The following NRXN1 variants were observed in gnomAD, a reference collection of about 807,000 sequenced individuals.
NRXN1 encodes neurexin-1.
A neutral mutation model predicts 150.9 loss-of-function variants in NRXN1; 39 were observed. The observed-to-expected ratio is 0.26, with a 90% CI of 0.20 to 0.34. NRXN1 has a LOEUF of 0.34. NRXN1 is among the 10% of genes least tolerant of loss of function. NRXN1 has a pLI of 1.00. For missense variants in NRXN1, 1,815 were observed against 1,949.9 expected, an observed-to-expected ratio of 0.93 and a Z score of 1.30; for synonymous variants, 924 against 757.0, an observed-to-expected ratio of 1.22 and a Z score of -3.62.
chr2:50,904,993 T>G (rs943261037), intron 5 of NRXN1, among the ~76,000 whole-genome samples: 1 of 152,138 alleles, frequency 6.6e-6, no homozygotes, highest in Non-Finnish European at 1.5e-5. Flanking sequence ...TCATTCATTT[T>G]TTTTATTATC....
At chr2:50,432,376 C>T (rs2085044653) in intron 17 of NRXN1, 1 of 152,218 alleles carries the variant, frequency 6.6e-6, no homozygotes, top group Admixed American at 6.5e-5. Flanking sequence ...ACTGTCTAAC[C>T]CATCTCACGC....
At chr2:50,163,400 T>C (rs573885828) in intron 18 of NRXN1, among the ~76,000 whole-genome samples, 5 of 152,166 alleles carry the variant, frequency 3.3e-5, no homozygotes, top group South Asian at 2.1e-4. Context: ...ATCCAAACCA[T>C]TGGCCTCTGC....
chr2:50,562,766 C>T (rs1669295088), intron 8 of NRXN1, among the ~76,000 whole-genome samples: 1 of 152,030 alleles, frequency 6.6e-6, no homozygotes, highest in Admixed American at 6.6e-5. Context: ...GTAAGGCCTA[C>T]CACATATTAA....
chr2:50,209,496 C>G (rs1368124041), intron 18 of NRXN1, among the ~76,000 whole-genome samples: 3 of 151,962 alleles, frequency 2.0e-5, no homozygotes, highest in Non-Finnish European at 4.4e-5. Flanking sequence ...AATTAAGTAG[C>G]CCAAAACTGT....
At chr2:50,163,611 T>C (rs1471795973) in intron 18 of NRXN1, among the ~76,000 whole-genome samples, 4 of 152,180 alleles carry the variant, frequency 2.6e-5, no homozygotes, top group African/African-American at 4.8e-5. Context: ...GATTGACAAC[T>C]GCCTTTTGCT....
chr2:51,000,228 G>C (rs1319358636), intron 2 of NRXN1, among the ~76,000 whole-genome samples: 3 of 151,950 alleles, frequency 2.0e-5, no homozygotes, highest in Non-Finnish European at 4.4e-5. Context: ...TCAGAAGACT[G>C]AATGTGTTCA....
chr2:50,102,982 T>C (rs1290876118), intron 18 of NRXN1, among the ~76,000 whole-genome samples: 3 of 152,102 alleles, frequency 2.0e-5, no homozygotes, highest in African/African-American at 7.2e-5. Flanking sequence ...AATTGAAAAA[T>C]AGATGGTGAA....
intron 8 of NRXN1, among the ~76,000 whole-genome samples, chr2:50,558,919 A>G (rs1486426527): frequency 6.6e-6 from 1 of 151,964 alleles, no homozygotes; most frequent in East Asian, 1.9e-4. Flanking sequence ...TATCTCTACT[A>G]AAAATACAGA....
chr2:50,692,653 G>T (rs1015551803), intron 5 of NRXN1, among the ~76,000 whole-genome samples: 2 of 152,006 alleles, frequency 1.3e-5, no homozygotes, highest in Non-Finnish European at 2.9e-5. Flanking sequence ...CGTTAGATTT[G>T]CCAGCAATAA....
intron 5 of NRXN1, among the ~76,000 whole-genome samples, chr2:50,864,648 C>T (rs1375463686): frequency 6.6e-6 from 1 of 152,006 alleles, no homozygotes; most frequent in Non-Finnish European, 1.5e-5. Flanking sequence ...ATTCATTTCT[C>T]CTGCGAAGCT....
chr2:50,035,739 T>A (rs573376314), intron 21 of NRXN1, among the ~76,000 whole-genome samples: 2 of 152,202 alleles, frequency 1.3e-5, no homozygotes, highest in East Asian at 3.9e-4. Context: ...GCCCTTTTAA[T>A]CAAGACAGAA....
rs556535702 is a variant in NRXN1 at position 50,335,828 on chromosome 2, GA to G, written c.3365-98859del. On this transcript the variant is annotated intron_variant, in intron 17 of 22. Transcript: ENST00000401669. ...CTACCAAATCAGTCTAGAATGATAAGAATGAAATGTGTTTTAAAAAGCTCAG... is the reference window on the plus strand; with the variant it reads ...CTACCAAATCAGTCTAGAATGATAAGATGAAATGTGTTTTAAAAAGCTCAG... Among the ~76,000 whole-genome samples the G allele has an allele frequency of 3.2e-3, 482 of 151,518 alleles. 3 individuals are homozygous for G. The highest frequency in any genetic ancestry group is 0.011 in the African/African-American group (461 of 41,316).
At chr2:50,201,965 G>A (rs1193930416) in intron 18 of NRXN1, among the ~76,000 whole-genome samples, 2 of 152,100 alleles carry the variant, frequency 1.3e-5, no homozygotes, top group African/African-American at 4.8e-5. Context: ...TGATACCTAG[G>A]ACTATCAAGT....
intron 5 of NRXN1, among the ~76,000 whole-genome samples, chr2:50,786,462 G>C (rs1170604773): frequency 6.6e-6 from 1 of 152,090 alleles, no homozygotes; most frequent in Non-Finnish European, 1.5e-5. Context: ...TGCCAACACA[G>C]GGCTTGGGTT....
intron 17 of NRXN1, among the ~76,000 whole-genome samples, chr2:50,327,759 C>T (rs916236823): frequency 2.0e-5 from 3 of 151,964 alleles, no homozygotes; most frequent in African/African-American, 7.3e-5. Context: ...AAGGGATTCT[C>T]CTGCTTCAGC....
intron 2 of NRXN1, among the ~76,000 whole-genome samples, chr2:50,963,610 T>C (rs1292862774): frequency 6.6e-6 from 1 of 151,696 alleles, no homozygotes; most frequent in Non-Finnish European, 1.5e-5. Flanking sequence ...TCATTATTCA[T>C]GGAGATGTTG....
intron 5 of NRXN1, among the ~76,000 whole-genome samples, chr2:50,803,361 A>G (rs967984943): frequency 6.6e-6 from 1 of 152,162 alleles, no homozygotes; most frequent in Non-Finnish European, 1.5e-5. Context: ...GGAGAAACTA[A>G]TTCCAAGCCC....
intron 18 of NRXN1, among the ~76,000 whole-genome samples, chr2:50,172,757 AG>A (rs1260370238): frequency 5.3e-5 from 8 of 152,174 alleles, no homozygotes; most frequent in Non-Finnish European, 1.2e-4. Context: ...ACCTGAGGTC[AG>A]GAGTTCGAGA....
chr2:49,930,428 T>A (rs1219822754), intron 22 of NRXN1, among the ~76,000 whole-genome samples: 2 of 152,010 alleles, frequency 1.3e-5, no homozygotes, highest in African/African-American at 4.8e-5. Flanking sequence ...CTAACAGAAG[T>A]ATGGAGAAAA....
Sources: gnomAD v4.1 joint callset for allele counts (sites outside exome capture counted in the v4.1 genomes callset) on GRCh38, gnomAD v4.1.1 for gene constraint, MANE v1.5 for transcripts, NCBI Gene and HGNC (gene_info 2026-07-23, HGNC 2026-07-21) for gene names.